The following ITPRID1 variants were observed in gnomAD, a reference collection of about 807,000 sequenced individuals.
The protein encoded by ITPRID1 is ITPR interacting domain containing 1.
A neutral mutation model predicts 95.4 loss-of-function variants in ITPRID1; 96 were observed. That is an observed-to-expected ratio of 1.01 (90% CI 0.85 to 1.19). The LOEUF (loss-of-function observed/expected upper bound fraction) is 1.19. Ranked by LOEUF, ITPRID1 falls within the 50% of genes most tolerant of loss-of-function variation. The probability of loss-of-function intolerance (pLI) is 0.00; values close to 1 mark genes in which losing one functional copy is unlikely to be tolerated. For synonymous variants in ITPRID1, 510 were observed against 453.6 expected, an observed-to-expected ratio of 1.12 and a Z score of -1.58; for missense variants, 1,339 against 1,252.9, an observed-to-expected ratio of 1.07 and a Z score of -1.04.
Position 31,554,883 on chromosome 7 carries a change from C to G in ITPRID1, c.238C>G (p.Gln80Glu), listed in dbSNP as rs377546776. Residue 80 changes from glutamine to glutamate, a missense_variant, in exon 5 of 15, where the codon CAA (glutamine) becomes GAA (glutamate). Transcript: ENST00000615280. ...FFVSANENFQ[Q>E]VIDRTVSLYE... is the part of the protein sequence containing the mutation. ...TGTCTCTGCAAATGAAAACTTTCAA[C>G]AAGTCATTGACCGCACTGGTAAGAC... 2.1e-5 allele frequency: 33 copies of G among 1,582,844 alleles called. No homozygotes were observed. Among genetic ancestry groups the G allele is most frequent in the Non-Finnish European group, 2.6e-5 (30 of 1,162,364 alleles).
At chr7:31,636,777 T>C (rs1406263687) in intron 10 of ITPRID1, among the ~76,000 whole-genome samples, 1 of 151,844 alleles carries the variant, frequency 6.6e-6, no homozygotes, top group Non-Finnish European at 1.5e-5. Flanking sequence ...GTGCGTAATG[T>C]GCAGGTTTGT....
chr7:31,652,665 CA>C lies in ITPRID1; in HGVS notation c.2972del (p.Gln991ArgfsTer35). The C allele has an allele frequency of 6.2e-7, 1 of 1,613,870 alleles. No homozygotes were observed. Among genetic ancestry groups the C allele is most frequent in the Non-Finnish European group, 8.5e-7 (1 of 1,179,852 alleles). On this transcript the variant is annotated frameshift_variant, in exon 15 of 15. Transcript: ENST00000615280. LOFTEE classifies it low-confidence loss of function (END_TRUNC). ...PRTVFPPDDG[Q>X]EAPCSGGTQL... Reference sequence around the variant, plus strand: ...GACTGTGTTTCCTCCCGATGATGGCCAGGAGGCTCCCTGTTCAGGTGGGACC... The same window carrying C: ...GACTGTGTTTCCTCCCGATGATGGCCGGAGGCTCCCTGTTCAGGTGGGACC...
At chr7:31,637,327 G>A (rs1433274168) in intron 10 of ITPRID1, among the ~76,000 whole-genome samples, 2 of 152,196 alleles carry the variant, frequency 1.3e-5, no homozygotes, top group East Asian at 3.9e-4. Flanking sequence ...CTTCCACAAT[G>A]GTTGAACTAG....
intron 10 of ITPRID1, among the ~76,000 whole-genome samples, chr7:31,635,785 G>A (rs931217040): frequency 6.6e-6 from 1 of 152,028 alleles, no homozygotes; most frequent in African/African-American, 2.4e-5. Flanking sequence ...GGGGAGGGCG[G>A]GGGTCAGAGG....
chr7:31,641,467 T>C (rs1307388583), intron 10 of ITPRID1, among the ~76,000 whole-genome samples: 1 of 147,792 alleles, frequency 6.8e-6, no homozygotes, highest in African/African-American at 2.5e-5. Flanking sequence ...GCATTTCTCA[T>C]TAAAGAAGAG....
At chr7:31,647,334 G>C (rs1790553095) in intron 12 of ITPRID1, among the ~76,000 whole-genome samples, 1 of 152,142 alleles carries the variant, frequency 6.6e-6, no homozygotes, top group South Asian at 2.1e-4. Flanking sequence ...CTTGGACCAA[G>C]TGAAGATTAT....
At chr7:31,518,965 G>T (rs755412470) in intron 1 of ITPRID1, among the ~76,000 whole-genome samples, 1 of 152,084 alleles carries the variant, frequency 6.6e-6, no homozygotes, top group Non-Finnish European at 1.5e-5. Context: ...ATTTTGTGAC[G>T]TTTTCCCTAA....
intron 10 of ITPRID1, among the ~76,000 whole-genome samples, chr7:31,628,148 C>A (rs10262017): frequency 0.041 from 6,239 of 152,230 alleles, 359 homozygotes; most frequent in African/African-American, 0.13. Flanking sequence ...AGGACGGCAG[C>A]CATTTTCAAA....
At chr7:31,579,936 A>G (rs1430879107) in intron 9 of ITPRID1, among the ~76,000 whole-genome samples, 1 of 152,212 alleles carries the variant, frequency 6.6e-6, no homozygotes, top group Non-Finnish European at 1.5e-5. Context: ...CGCTAAAAAA[A>G]GGATTTTTAA....
intron 5 of ITPRID1, among the ~76,000 whole-genome samples, chr7:31,565,055 CAA>C (rs775647736): frequency 2.6e-5 from 4 of 152,106 alleles, no homozygotes; most frequent in African/African-American, 4.8e-5. Context: ...AAAACCAAAA[CAA>C]AACAACCACC....
At position 31,642,772 on chromosome 7, in the gene ITPRID1, T is replaced by A; in HGVS notation, c.1402T>A (p.Cys468Ser). Reference protein sequence around the residue: ...QSHSLVSSQDCQLESDGPDSK... With the variant: ...QSHSLVSSQDSQLESDGPDSK... ...CCACAGCTTAGTATCATCCCAGGACTGTCAGCTAGAGTCGGATGGGCCAGA... is the reference window on the plus strand; with the variant it reads ...CCACAGCTTAGTATCATCCCAGGACAGTCAGCTAGAGTCGGATGGGCCAGA... The change falls in exon 12 of 15, where the codon TGT (cysteine) becomes AGT (serine). Residue 468 changes from cysteine to serine, a missense_variant. Transcript: ENST00000615280. 1 of 1,613,978 alleles carries A rather than the reference T, an allele frequency of 6.2e-7. No homozygotes were observed. The highest frequency in any genetic ancestry group is 8.5e-7 in the Non-Finnish European group (1 of 1,179,890).
chr7:31,585,697 G>A (rs1785566748), intron 10 of ITPRID1, among the ~76,000 whole-genome samples: 1 of 152,006 alleles, frequency 6.6e-6, no homozygotes, highest in Non-Finnish European at 1.5e-5. Flanking sequence ...TATCAACTTG[G>A]ACAAGATATG....
intron 5 of ITPRID1, among the ~76,000 whole-genome samples, chr7:31,560,633 G>A (rs1323319517): frequency 6.6e-6 from 1 of 152,114 alleles, no homozygotes; most frequent in Admixed American, 6.6e-5. Context: ...AAAGAAAGAA[G>A]GAAATCAAAG....
intron 1 of ITPRID1, among the ~76,000 whole-genome samples, chr7:31,514,380 A>G (rs771715194): frequency 6.6e-6 from 1 of 152,246 alleles, no homozygotes; most frequent in Non-Finnish European, 1.5e-5. Context: ...TGAAGTTGTT[A>G]GAATCAAATA....
intron 5 of ITPRID1, among the ~76,000 whole-genome samples, chr7:31,564,818 C>T (rs1784741648): frequency 6.6e-6 from 1 of 152,142 alleles, no homozygotes; most frequent in African/African-American, 2.4e-5. Context: ...TTGCCTTCAA[C>T]AGATTGCTGC....
At chr7:31,604,658 C>G (rs1323591533) in intron 10 of ITPRID1, among the ~76,000 whole-genome samples, 1 of 152,120 alleles carries the variant, frequency 6.6e-6, no homozygotes, top group Non-Finnish European at 1.5e-5. Context: ...ACCACCCACC[C>G]CTAGAACTAT....
At chr7:31,594,486 C>A (rs952800605) in intron 10 of ITPRID1, among the ~76,000 whole-genome samples, 1 of 152,120 alleles carries the variant, frequency 6.6e-6, no homozygotes, top group African/African-American at 2.4e-5. Flanking sequence ...TCTTTTGTTA[C>A]CATGTGCATA....
chr7:31,579,386 G>A (rs964374114), intron 9 of ITPRID1, among the ~76,000 whole-genome samples: 1 of 152,120 alleles, frequency 6.6e-6, no homozygotes, highest in Non-Finnish European at 1.5e-5. Context: ...AAATTCCAAA[G>A]TGGGCTTACT....
intron 1 of ITPRID1, among the ~76,000 whole-genome samples, chr7:31,547,269 G>T (rs867805207): frequency 6.6e-6 from 1 of 152,168 alleles, no homozygotes; most frequent in South Asian, 2.1e-4. Context: ...AATGGCTCCC[G>T]TATTAGTGAG....
Sources: gnomAD v4.1 joint callset for allele counts (sites outside exome capture counted in the v4.1 genomes callset) on GRCh38, gnomAD v4.1.1 for gene constraint, MANE v1.5 for transcripts, NCBI Gene and HGNC (gene_info 2026-07-23, HGNC 2026-07-21) for gene names.